PYHIN1: variants seen among roughly 807,000 people sequenced by gnomAD.
PYHIN1 encodes pyrin and HIN domain-containing protein 1.
A neutral mutation model predicts 43.7 loss-of-function variants in PYHIN1; 32 were observed. The observed-to-expected ratio is 0.73, with a 90% CI of 0.55 to 0.98. PYHIN1 has a LOEUF of 0.98. Ranked by LOEUF, PYHIN1 falls within the 50% of genes least tolerant of loss-of-function variation. The pLI is 0.00. For synonymous variants in PYHIN1, 205 were observed against 203.1 expected, an observed-to-expected ratio of 1.01 and a Z score of -0.08; for missense variants, 588 against 589.5, an observed-to-expected ratio of 1.00 and a Z score of 0.03.
chr1:158,953,111 G>A (rs965767073), intron 7 of PYHIN1, among the ~76,000 whole-genome samples: 7 of 152,190 alleles, frequency 4.6e-5, no homozygotes, highest in African/African-American at 1.4e-4. Flanking sequence ...TACGCCCACG[G>A]GTCTCGCTGA....
chr1:158,941,342 G>C (rs1015761510), intron 4 of PYHIN1, among the ~76,000 whole-genome samples: 5 of 152,188 alleles, frequency 3.3e-5, no homozygotes, highest in Non-Finnish European at 7.3e-5. Context: ...ACCTCCTAGA[G>C]CCCTGACATT....
chr1:158,979,883 C>T (rs928518467), downstream of PYHIN1, among the ~76,000 whole-genome samples: 4 of 152,174 alleles, frequency 2.6e-5, no homozygotes, highest in Non-Finnish European at 4.4e-5. Context: ...ACCCTCCTCC[C>T]ACCCTCGACC....
intron 7 of PYHIN1, among the ~76,000 whole-genome samples, chr1:158,971,288 G>A (rs1650916633): frequency 6.6e-6 from 1 of 151,888 alleles, no homozygotes; most frequent in African/African-American, 2.4e-5. Flanking sequence ...GATATTGGAA[G>A]TAGAATGTCC....
chr1:158,974,007 A>G (rs1157231819), intron 8 of PYHIN1, among the ~76,000 whole-genome samples: 1 of 152,062 alleles, frequency 6.6e-6, no homozygotes, highest in Non-Finnish European at 1.5e-5. Context: ...ACTGTTTTTC[A>G]TTGGTGCAAA....
the PYHIN1 span, among the ~76,000 whole-genome samples, chr1:158,982,973 T>G: frequency 2.4e-4 from 37 of 152,276 alleles, no homozygotes; most frequent in Non-Finnish European, 4.1e-4. Context: ...ATGCTACTAA[T>G]TTTTGTACAT....
downstream of PYHIN1, among the ~76,000 whole-genome samples, chr1:158,978,339 A>G (rs1038923004): frequency 5.9e-5 from 9 of 152,054 alleles, no homozygotes; most frequent in African/African-American, 2.2e-4. Flanking sequence ...ATTTTGAAGG[A>G]TGTTTTGAAG....
intron 7 of PYHIN1, among the ~76,000 whole-genome samples, chr1:158,948,214 T>G (rs916282317): frequency 6.6e-6 from 1 of 152,226 alleles, no homozygotes; most frequent in African/African-American, 2.4e-5. Flanking sequence ...TTAGCAGCAT[T>G]CTTTTCCAGT....
chr1:158,932,774 T>C (rs1238972471), intron 1 of PYHIN1, among the ~76,000 whole-genome samples: 1 of 152,190 alleles, frequency 6.6e-6, no homozygotes, highest in African/African-American at 2.4e-5. Context: ...AAAGGCAGTT[T>C]TTTATTCATT....
intron 7 of PYHIN1, among the ~76,000 whole-genome samples, chr1:158,970,755 AAAT>A (rs1343422627): frequency 2.0e-5 from 3 of 152,040 alleles, no homozygotes; most frequent in African/African-American, 7.2e-5. Flanking sequence ...ATAACAATGA[AAAT>A]AATAATGATA....
the PYHIN1 span, among the ~76,000 whole-genome samples, chr1:158,985,528 T>C: frequency 6.6e-6 from 1 of 152,214 alleles, no homozygotes; most frequent in Admixed American, 6.5e-5. Flanking sequence ...CCACTGTTAG[T>C]GTGATAAGGG....
chr1:158,936,677 G>A (rs1648560957), intron 1 of PYHIN1, among the ~76,000 whole-genome samples: 2 of 152,086 alleles, frequency 1.3e-5, no homozygotes, highest in Admixed American at 1.3e-4. Flanking sequence ...CAATAAATTA[G>A]GTATTGATGG....
chr1:158,944,953 C>T lies in PYHIN1; in HGVS notation c.1270C>T (p.Pro424Ser), dbSNP rs1649140958. 2 of 1,613,698 alleles carry T rather than the reference C, an allele frequency of 1.2e-6. No individual in the cohort carries two copies. Among genetic ancestry groups the T allele is most frequent in the African/African-American group, 1.3e-5 (1 of 74,880 alleles). The change falls in exon 7 of 9, where the codon CCT (proline) becomes TCT (serine). Residue 424 changes from proline to serine, a missense_variant. Coordinates refer to ENST00000368140, the MANE Select transcript of PYHIN1 (RefSeq NM_152501.5). ...LPQEQSQHPK[P>S]SEASTTLPES... Reference sequence around the variant, plus strand: ...CCAGGAACAGAGTCAGCATCCAAAACCTTCAGAGGCCAGCACAACCCTACC... The same window carrying T: ...CCAGGAACAGAGTCAGCATCCAAAATCTTCAGAGGCCAGCACAACCCTACC...
rs761026159 is a variant in PYHIN1 at position 158,973,629 on chromosome 1, C to T, written c.1360-18C>T. ...GTCATAAAGTGAAAGACTAAATTAC[C>T]CAAATTTATGACTCCAGAAGGATGA... On this transcript the variant is annotated intron_variant, in intron 7 of 8. Transcript: ENST00000368140. 2 of 1,610,668 alleles carry T rather than the reference C, an allele frequency of 1.2e-6. No homozygotes were observed. The highest frequency in any genetic ancestry group is 2.2e-5 in the South Asian group (2 of 90,870).
chr1:158,958,864 A>G (rs538655209), intron 7 of PYHIN1, among the ~76,000 whole-genome samples: 135 of 150,552 alleles, frequency 9.0e-4, no homozygotes, highest in East Asian at 3.9e-4. Context: ...ACCATGGATT[A>G]TGGGTAACAA....
At chr1:158,945,722 A>G (rs1649183056) in intron 7 of PYHIN1, among the ~76,000 whole-genome samples, 1 of 152,184 alleles carries the variant, frequency 6.6e-6, no homozygotes, top group Admixed American at 6.5e-5. Context: ...TAATAGGGTC[A>G]GTGTAGCACA....
chr1:158,949,829 G>A (rs1208926887), intron 7 of PYHIN1, among the ~76,000 whole-genome samples: 3 of 152,210 alleles, frequency 2.0e-5, no homozygotes, highest in Non-Finnish European at 2.9e-5. Flanking sequence ...TGTGAGCACA[G>A]GAAGGAATGT....
chr1:158,932,262 A>G (rs909910339), intron 1 of PYHIN1, among the ~76,000 whole-genome samples: 4 of 152,168 alleles, frequency 2.6e-5, no homozygotes, highest in South Asian at 4.1e-4. Context: ...CATTGAATCC[A>G]TATGGGCACA....
chr1:158,976,552 G>A, intron 8 of PYHIN1, 149 bp from the exon 9 acceptor site: 1 of 549,528 alleles, frequency 1.8e-6, no homozygotes, highest in Non-Finnish European at 3.3e-6. Flanking sequence ...ATTCATTAAA[G>A]GAGATAGATG....
intron 7 of PYHIN1, among the ~76,000 whole-genome samples, chr1:158,963,068 G>A (rs1650418513): frequency 6.6e-6 from 1 of 152,054 alleles, no homozygotes; most frequent in Non-Finnish European, 1.5e-5. Context: ...CCTAGTTGTG[G>A]CCAGCAATGT....
Sources: allele counts gnomAD v4.1 joint callset (sites outside exome capture counted in the v4.1 genomes callset), GRCh38; gene constraint gnomAD v4.1.1; transcripts MANE v1.5; gene names NCBI Gene and HGNC (gene_info 2026-07-23, HGNC 2026-07-21).